Variants in BCAR3 observed in about 807,000 individuals in gnomAD.
BCAR3 encodes breast cancer anti-estrogen resistance protein 3.
BCAR3 carries 37 observed loss-of-function variants against 80.1 expected under a neutral mutation model. The observed-to-expected ratio is 0.46, with a 90% CI of 0.36 to 0.61. The LOEUF is 0.61. BCAR3 is among the 20% of genes least tolerant of loss of function. The probability of loss-of-function intolerance (pLI) is 0.00; values close to 1 mark genes in which losing one functional copy is unlikely to be tolerated. For missense variants in BCAR3, 978 were observed against 1,068.2 expected, an observed-to-expected ratio of 0.92 and a Z score of 1.18; for synonymous variants, 389 against 418.9, an observed-to-expected ratio of 0.93 and a Z score of 0.87.
intron 1 of BCAR3, among the ~76,000 whole-genome samples, chr1:93,678,953 T>C (rs1265998614): frequency 6.6e-6 from 1 of 152,210 alleles, no homozygotes; most frequent in Non-Finnish European, 1.5e-5. Flanking sequence ...GAAATATTTC[T>C]GTCTCAATGT....
At chr1:93,781,709 A>T (rs982013992) in intron 2 of BCAR3, among the ~76,000 whole-genome samples, 1 of 152,188 alleles carries the variant, frequency 6.6e-6, no homozygotes, top group Non-Finnish European at 1.5e-5. Context: ...GCTCTGCATC[A>T]TAGGCATACA....
chr1:93,691,861 C>T (rs181784272), intron 3 of BCAR3, among the ~76,000 whole-genome samples: 1 of 152,164 alleles, frequency 6.6e-6, no homozygotes, highest in African/African-American at 2.4e-5. Context: ...TTCACTCCCA[C>T]GTGAGTGGCA....
intron 2 of BCAR3, among the ~76,000 whole-genome samples, chr1:93,671,792 C>T (rs1013281678): frequency 6.6e-6 from 1 of 152,050 alleles, no homozygotes; most frequent in Admixed American, 6.6e-5. Context: ...AAAAGGAATT[C>T]AGGCAGCTTA....
intron 2 of BCAR3, among the ~76,000 whole-genome samples, chr1:93,757,580 C>T (rs1302465454): frequency 6.6e-6 from 1 of 152,170 alleles, no homozygotes; most frequent in East Asian, 1.9e-4. Context: ...CATTTTTTCT[C>T]CTCTTCCTTC....
chr1:93,623,669 C>A (rs948540539), intron 3 of BCAR3, among the ~76,000 whole-genome samples: 3 of 152,198 alleles, frequency 2.0e-5, no homozygotes, highest in Non-Finnish European at 4.4e-5. Context: ...AAGTAGTCAT[C>A]AACCCAGGCC....
In BCAR3 at chr1:93,647,427, A is replaced by T. The variant is rs1676176554; in HGVS notation, c.318-5084T>A. ...AGAACATAAAAACATACAGGTTAAC[A>T]GAAGTATAAAATTTAAGATGTTTAA... On this transcript the variant is annotated intron_variant, in intron 2 of 11. Transcript: ENST00000260502. Among the ~76,000 whole-genome samples, 4 of 152,370 alleles carry T rather than the reference A, an allele frequency of 2.6e-5. No individual in the cohort carries two copies. In the South Asian group the frequency reaches 8.3e-4, roughly 32 times the overall value.
chr1:93,810,727 A>G (rs1183100259), intron 2 of BCAR3, among the ~76,000 whole-genome samples: 1 of 152,156 alleles, frequency 6.6e-6, no homozygotes, highest in Non-Finnish European at 1.5e-5. Context: ...ATACTGTCCA[A>G]AGCTCTCTGG....
In BCAR3 at chr1:93,562,301, C is replaced by A; in HGVS notation, c.2418G>T (p.Gln806His). The change falls in exon 12 of 12, where the codon CAG becomes CAT. Residue 806 changes from glutamine (Q) to histidine (H), a missense_variant. By Grantham distance (24) the Gln-to-His change is conservative. Coordinates refer to ENST00000260502, the MANE Select transcript of BCAR3 (RefSeq NM_003567.4). ...NQTERYEKFN[Q>H]ILTALSRKLE... ...ATTTACGCGAGAGGGCAGTTAAAATCTGGTTGAATTTCTCATATCTCTCTG... is the reference window on the plus strand; with the variant it reads ...ATTTACGCGAGAGGGCAGTTAAAATATGGTTGAATTTCTCATATCTCTCTG... 2 of 1,614,078 alleles carry A rather than the reference C, an allele frequency of 1.2e-6. No individual in the cohort carries two copies. The highest frequency in any genetic ancestry group is 8.5e-7 in the Non-Finnish European group (1 of 1,179,972).
At chr1:93,791,870 T>A (rs1653153630) in intron 2 of BCAR3, among the ~76,000 whole-genome samples, 1 of 224 alleles carries the variant, frequency 4.5e-3, no homozygotes, top group Non-Finnish European at 5.8e-3. Context: ...TTTCTACATA[T>A]GGCTAGCCAG....
In BCAR3 at chr1:93,646,397, G is replaced by C. The variant is rs1313624784; in HGVS notation, c.318-4054C>G. ...GCATGTGGATCACCTGAGGTCGGGA[G>C]TTCAAGACCAGCCTGACCAACATGG... On this transcript the variant is annotated intron_variant, in intron 2 of 11. Coordinates refer to ENST00000260502, the MANE Select transcript of BCAR3 (RefSeq NM_003567.4). 2.0e-5 allele frequency: 3 copies of C among 152,132 alleles called. No individual in the cohort carries two copies. In the East Asian group the frequency reaches 5.8e-4, roughly 29 times the overall value. The allele number at this position is 152,132 out of a possible 1,614,324, so 9.4% of individuals were successfully genotyped here.
intron 2 of BCAR3, among the ~76,000 whole-genome samples, chr1:93,826,827 CGT>C (rs1252741606): frequency 6.6e-6 from 1 of 151,676 alleles, no homozygotes. Flanking sequence ...TGTGCATGCA[CGT>C]GTGTGTGTAT....
chr1:93,667,459 C>T (rs1390943326), intron 2 of BCAR3, among the ~76,000 whole-genome samples: 3 of 152,214 alleles, frequency 2.0e-5, no homozygotes, highest in Admixed American at 2.0e-4. Context: ...AGAGTTCACA[C>T]ATCTAATAAG....
chr1:93,583,542 C>T (rs116042233), intron 6 of BCAR3, among the ~76,000 whole-genome samples: 1,527 of 152,214 alleles, frequency 0.01, 20 homozygotes, highest in Middle Eastern at 0.041. Context: ...CTCCCCATAC[C>T]CCATACCTTA....
intron 3 of BCAR3, among the ~76,000 whole-genome samples, chr1:93,641,938 T>C (rs1675993128): frequency 6.6e-6 from 1 of 152,216 alleles, no homozygotes; most frequent in South Asian, 2.1e-4. Flanking sequence ...TTATCCCTCT[T>C]AGTGTGAATA....
chr1:93,659,874 CTCCTT>C (rs1571017332), intron 2 of BCAR3, among the ~76,000 whole-genome samples: 1 of 152,256 alleles, frequency 6.6e-6, no homozygotes, highest in East Asian at 1.9e-4. Context: ...CTCCTCAGTG[CTCCTT>C]TCCTATGAAT....
chr1:93,641,507 A>C (rs1675976319), intron 3 of BCAR3, among the ~76,000 whole-genome samples: 1 of 152,256 alleles, frequency 6.6e-6, no homozygotes, highest in South Asian at 2.1e-4. Context: ...AGGTGACAGA[A>C]TACAGTTTCA....
intron 7 of BCAR3, among the ~76,000 whole-genome samples, chr1:93,581,402 T>TA (rs1673701575): frequency 6.6e-6 from 1 of 152,020 alleles, no homozygotes; most frequent in Admixed American, 6.6e-5. Context: ...TTTTAATCTG[T>TA]ATTTTAGAAT....
intron 1 of BCAR3, among the ~76,000 whole-genome samples, chr1:93,675,647 T>A (rs945738352): frequency 1.3e-5 from 2 of 151,438 alleles, no homozygotes; most frequent in Non-Finnish European, 2.9e-5. Flanking sequence ...TGCCCATGGG[T>A]GCCTGTACAG....
At chr1:93,820,302 A>G (rs182870659) in intron 2 of BCAR3, among the ~76,000 whole-genome samples, 90 of 152,306 alleles carry the variant, frequency 5.9e-4, no homozygotes, top group African/African-American at 2.0e-3. Flanking sequence ...CATTTAACTC[A>G]ATTCTGATAC....
Sources: gnomAD v4.1 joint callset for allele counts (sites outside exome capture counted in the v4.1 genomes callset) on GRCh38, gnomAD v4.1.1 for gene constraint, MANE v1.5 for transcripts, NCBI Gene and HGNC (gene_info 2026-07-23, HGNC 2026-07-21) for gene names.